Variants in CXCR2 observed in about 807,000 individuals in gnomAD.
The protein encoded by CXCR2 is C-X-C motif chemokine receptor 2.
CXCR2 carries 2 observed loss-of-function variants against 3.7 expected under a neutral mutation model. The observed-to-expected ratio is 0.55, with a 90% CI of 0.22 to 1.72. The LOEUF is 1.72. Among genes scored for constraint, CXCR2 ranks in the 40% most tolerant of loss-of-function variants. CXCR2 has a pLI of 0.19. For missense variants in CXCR2, 351 were observed against 450.1 expected (o/e 0.78, Z 1.99); for synonymous variants, 203 against 193.3 (o/e 1.05, Z -0.41).
At chr2:218,132,570 G>T (rs983182424) in intron 2 of CXCR2, among the ~76,000 whole-genome samples, 3 of 152,310 alleles carry the variant, frequency 2.0e-5, no homozygotes, top group Non-Finnish European at 2.9e-5. Context: ...ACACACATGG[G>T]CTATATGGTA....
chr2:218,133,985 C>T (rs1026351646), intron 2 of CXCR2, among the ~76,000 whole-genome samples: 3 of 152,232 alleles, frequency 2.0e-5, no homozygotes, highest in Non-Finnish European at 2.9e-5. Flanking sequence ...TTCCAAACTA[C>T]ACAGACATTC....
At chr2:218,128,225 T>A (rs1329316676) in intron 1 of CXCR2, among the ~76,000 whole-genome samples, 1 of 152,236 alleles carries the variant, frequency 6.6e-6, no homozygotes, top group Non-Finnish European at 1.5e-5. Flanking sequence ...GTAATAAGCC[T>A]CTATCTGGTT....
rs1126580 is a variant in CXCR2, at chr2:218,136,243, G to A, written c.*359G>A. On this transcript the variant is annotated 3_prime_UTR_variant, in exon 3 of 3. Transcript: ENST00000318507. Reference sequence around the variant, plus strand: ...AAAGAAAATCAGGCTGGCCAACGGGGTGAAACCCTGTCTCTACTAAAAATA... The same window carrying A: ...AAAGAAAATCAGGCTGGCCAACGGGATGAAACCCTGTCTCTACTAAAAATA... 0.4 allele frequency: 77,189 copies of A among 191,236 alleles called. 16,342 individuals are homozygous for A. The highest frequency in any genetic ancestry group is 0.6 in the Middle Eastern group (230 of 384). The allele number at this position is 191,236 out of a possible 1,614,324, so 11.8% of individuals were successfully genotyped here.
chr2:218,131,166 T>C (rs926977711), intron 2 of CXCR2, among the ~76,000 whole-genome samples: 7 of 152,214 alleles, frequency 4.6e-5, no homozygotes, highest in African/African-American at 1.7e-4. Flanking sequence ...CTACATCTAC[T>C]CTCAAAGATG....
At chr2:218,134,738 G>A in intron 2 of CXCR2, 39 bp from the exon 3 acceptor site, 1 of 1,531,776 alleles carries the variant, frequency 6.5e-7, no homozygotes, top group Non-Finnish European at 8.8e-7. Context: ...AAGAATATGG[G>A]GAATTTATTA....
chr2:218,133,288 G>A (rs1403117666), intron 2 of CXCR2, among the ~76,000 whole-genome samples: 1 of 138,918 alleles, frequency 7.2e-6, no homozygotes, highest in Non-Finnish European at 1.5e-5. Context: ...TGAGAAACTG[G>A]GATTTTTTTT....
Position 218,134,938 on chromosome 2 carries a change from TCAA to T in CXCR2, c.141_143del (p.Asn47del). ...CCATGTGAACCAGAATCCCTGGAAA[TCAA>T]CAAGTATTTTGTGGTCATTATCTAT... is the stretch of plus-strand genomic sequence containing the variant. On this transcript the variant is annotated inframe_deletion, in exon 3 of 3. Transcript: ENST00000318507. 1 of 1,614,172 alleles carries T rather than the reference TCAA, an allele frequency of 6.2e-7. No individual in the cohort carries two copies. The highest frequency in any genetic ancestry group is 8.5e-7 in the Non-Finnish European group (1 of 1,180,026).
intron 1 of CXCR2, among the ~76,000 whole-genome samples, chr2:218,128,371 C>G (rs1203590451): frequency 6.6e-6 from 1 of 152,172 alleles, no homozygotes; most frequent in Non-Finnish European, 1.5e-5. Context: ...TTAAGTGCGT[C>G]TGCCACAGGG....
chr2:218,135,141 T>C lies in CXCR2; in HGVS notation c.340T>C (p.Phe114Leu). 1 of 1,614,218 alleles carries C rather than the reference T, an allele frequency of 6.2e-7. No individual in the cohort carries two copies. Among genetic ancestry groups the C allele is most frequent in the Non-Finnish European group, 8.5e-7 (1 of 1,180,024 alleles). Residue 114 changes from phenylalanine (F) to leucine (L), a missense_variant, in exon 3 of 3, where the codon TTT becomes CTT. By Grantham distance (22) the Phe-to-Leu change is conservative. Coordinates refer to ENST00000318507, the MANE Select transcript of CXCR2 (RefSeq NM_001557.4). This position sits in a 1 kb window ranked among gnomAD's most constrained non-coding sequence, Gnocchi z 4.0. The part of the protein sequence containing the change: ...WAASKVNGWI[F>L]GTFLCKVVSL... ...CGCCTCCAAGGTGAATGGCTGGATT[T>C]TTGGCACATTCCTGTGCAAGGTGGT...
chr2:218,130,757 C>A (rs1690622681), intron 2 of CXCR2: 1 of 152,272 alleles, frequency 6.6e-6, no homozygotes, highest in Admixed American at 6.5e-5. Context: ...CCTCTAACTG[C>A]CAAGTCATCC....
At chr2:218,128,461 A>G (rs1690562112) in intron 1 of CXCR2, among the ~76,000 whole-genome samples, 1 of 152,196 alleles carries the variant, frequency 6.6e-6, no homozygotes, top group Non-Finnish European at 1.5e-5. Flanking sequence ...GGTGTTGTTC[A>G]CTGGGGTGGG....
chr2:218,133,550 C>T (rs1343632350), intron 2 of CXCR2, among the ~76,000 whole-genome samples: 1 of 152,134 alleles, frequency 6.6e-6, no homozygotes, highest in Non-Finnish European at 1.5e-5. Flanking sequence ...TCTGCCACCT[C>T]AGCCTCCCAA....
chr2:218,135,495 G>A lies in CXCR2; in HGVS notation c.694G>A (p.Gly232Arg), dbSNP rs201103729. The A allele has an allele frequency of 6.2e-6, 10 of 1,613,934 alleles. No homozygotes were observed. Among genetic ancestry groups the A allele is most frequent in the East Asian group, 2.2e-5 (1 of 44,888 alleles). ...VPLLIMLFCY[G>R]FTLRTLFKAH... Reference sequence around the variant, plus strand: ...ACTGCTGATCATGCTGTTCTGCTACGGATTCACCCTGCGTACGCTGTTTAA... The same window carrying A: ...ACTGCTGATCATGCTGTTCTGCTACAGATTCACCCTGCGTACGCTGTTTAA... Residue 232 changes from glycine (G) to arginine (R), a missense_variant, in exon 3 of 3, where the codon GGA becomes AGA. Transcript: ENST00000318507. This position sits in a 1 kb window ranked among gnomAD's most constrained non-coding sequence, Gnocchi z 4.0.
intron 2 of CXCR2, among the ~76,000 whole-genome samples, chr2:218,131,562 C>T (rs560287121): frequency 6.6e-5 from 10 of 151,814 alleles, no homozygotes; most frequent in East Asian, 1.9e-4. Context: ...CTTCGCTTCC[C>T]GGGTTCACAC....
At chr2:218,127,338 G>C (rs1425563323) in intron 1 of CXCR2, among the ~76,000 whole-genome samples, 2 of 151,982 alleles carry the variant, frequency 1.3e-5, no homozygotes, top group African/African-American at 4.8e-5. Flanking sequence ...TGTTGGCCAG[G>C]CTGTTCTGTA....
intron 2 of CXCR2, among the ~76,000 whole-genome samples, chr2:218,133,484 G>A (rs969371521): frequency 1.6e-4 from 25 of 151,964 alleles, no homozygotes; most frequent in Admixed American, 1.4e-3. Context: ...ATTATTAGTA[G>A]AGACAGTGTT....
chr2:218,135,914 G>T lies in CXCR2; in HGVS notation c.*30G>T, dbSNP rs200327176. ...TCCTGCCTAAGTGCAGCCCCGTGGG[G>T]TTCCTCCCTTCTCTTCACAGTCACA... is the stretch of plus-strand genomic sequence containing the variant. On this transcript the variant is annotated 3_prime_UTR_variant, in exon 3 of 3. Transcript: ENST00000318507. The surrounding 1 kb of genome is among the most constrained non-coding windows in gnomAD (Gnocchi z 4.0). The T allele has an allele frequency of 3.2e-6, 5 of 1,569,316 alleles. No homozygotes were observed. The South Asian group carries it at 3.6e-5, about 11-fold the overall frequency.
At chr2:218,131,375 C>A (rs1559451946) in intron 2 of CXCR2, among the ~76,000 whole-genome samples, 1 of 152,200 alleles carries the variant, frequency 6.6e-6, no homozygotes, top group South Asian at 2.1e-4. Context: ...GTATTCCCAG[C>A]CCTCTCAATA....
intron 2 of CXCR2, chr2:218,131,060 T>A (rs1473087050): frequency 6.6e-6 from 1 of 152,316 alleles, no homozygotes; most frequent in Non-Finnish European, 1.5e-5. Context: ...ACATGGCAGT[T>A]TCTGCAGCAG....
Sources: gnomAD v4.1 joint callset for allele counts (sites outside exome capture counted in the v4.1 genomes callset) on GRCh38, gnomAD v4.1.1 for gene constraint, Gnocchi (gnomAD v3.1) non-coding constraint, MANE v1.5 for transcripts, NCBI Gene and HGNC (gene_info 2026-07-23, HGNC 2026-07-21) for gene names.